The following PLPPR1 variants were observed in gnomAD, a reference collection of about 807,000 sequenced individuals.
The protein encoded by PLPPR1 is phospholipid phosphatase related 1.
In PLPPR1, 10 loss-of-function variants were observed where a neutral mutation model predicts 33.1. That is an observed-to-expected ratio of 0.30 (90% CI 0.19 to 0.51). PLPPR1 has a LOEUF of 0.51. Ranked by LOEUF, PLPPR1 falls within the 20% of genes least tolerant of loss-of-function variation. The pLI, the probability that PLPPR1 is intolerant of heterozygous loss-of-function variation, is 0.97. For synonymous variants in PLPPR1, 151 were observed against 151.0 expected (o/e 1.00, Z 0.00); for missense variants, 304 against 408.1 (o/e 0.74, Z 2.20).
intron 1 of PLPPR1, among the ~76,000 whole-genome samples, chr9:101,074,304 G>A (rs1473704203): frequency 6.6e-6 from 1 of 152,092 alleles, no homozygotes; most frequent in African/African-American, 2.4e-5. Flanking sequence ...ATTAGAAATA[G>A]ATCTAATAGA....
chr9:101,100,944 C>T (rs1326103324), intron 1 of PLPPR1, among the ~76,000 whole-genome samples: 1 of 152,074 alleles, frequency 6.6e-6, no homozygotes, highest in African/African-American at 2.4e-5. Context: ...GCAGATCTGC[C>T]TGATCTCAAA....
rs1232121030 is a variant in PLPPR1, at chr9:101,029,012, G to A, written c.-136G>A. The A allele has an allele frequency of 6.5e-6, 1 of 152,886 alleles. No individual in the cohort carries two copies. 9.5% of individuals were successfully genotyped at this position (152,886 alleles called of 1,614,324 possible). A position where few individuals can be genotyped will look rare whatever the true frequency, so the allele number is the denominator to read the frequency against. ...CAAGCGGAATGCAGCAGCGCCTGGA[G>A]AGCGTGTCTCGGACCGCCGCCTGAA... On this transcript the variant is annotated 5_prime_UTR_variant, in exon 1 of 8. Transcript: ENST00000374874.
intron 1 of PLPPR1, among the ~76,000 whole-genome samples, chr9:101,033,692 G>T (rs987473334): frequency 1.3e-5 from 2 of 152,100 alleles, no homozygotes; most frequent in Non-Finnish European, 2.9e-5. Flanking sequence ...GCCAGGACTT[G>T]TTTAAATGCC....
At chr9:101,049,568 T>G (rs1830194169) in intron 1 of PLPPR1, among the ~76,000 whole-genome samples, 1 of 152,152 alleles carries the variant, frequency 6.6e-6, no homozygotes, top group Non-Finnish European at 1.5e-5. Flanking sequence ...CAATATACAG[T>G]TGAGAAAACT....
chr9:101,192,672 C>CACACACAT (rs1016110530), intron 2 of PLPPR1, among the ~76,000 whole-genome samples: 3 of 152,138 alleles, frequency 2.0e-5, no homozygotes, highest in Admixed American at 6.5e-5. Context: ...ATGAAACACA[C>CACACACAT]ACACACATAC....
At chr9:101,294,834 C>T (rs1410010570) in intron 4 of PLPPR1, among the ~76,000 whole-genome samples, 1 of 152,072 alleles carries the variant, frequency 6.6e-6, no homozygotes, top group Non-Finnish European at 1.5e-5. Flanking sequence ...GACAAACCCA[C>T]AGCCAATATC....
At chr9:101,265,333 A>T (rs2118886794) in intron 2 of PLPPR1, among the ~76,000 whole-genome samples, 1 of 152,284 alleles carries the variant, frequency 6.6e-6, no homozygotes, top group African/African-American at 2.4e-5. Flanking sequence ...TGAGCTCCTT[A>T]CACCTTGTTA....
chr9:101,257,417 T>C lies in PLPPR1; in HGVS notation c.64-12463T>C, dbSNP rs1827821665. Reference sequence around the variant, plus strand: ...TTATTCAACCAATATTTTATTATTATGTGCCTGTGCTAAACTGGGGTTACA... The same window carrying C: ...TTATTCAACCAATATTTTATTATTACGTGCCTGTGCTAAACTGGGGTTACA... On this transcript the variant is annotated intron_variant, in intron 2 of 7. Coordinates refer to ENST00000374874, the MANE Select transcript of PLPPR1 (RefSeq NM_207299.2). Among the ~76,000 whole-genome samples the C allele has an allele frequency of 5.9e-5, 9 of 152,194 alleles. No homozygotes were observed. The South Asian group carries it at 1.9e-3, about 32-fold the overall frequency.
intron 4 of PLPPR1, among the ~76,000 whole-genome samples, chr9:101,290,551 C>T (rs1828476937): frequency 6.6e-6 from 1 of 152,082 alleles, no homozygotes; most frequent in Non-Finnish European, 1.5e-5. Context: ...TTTCAATAAC[C>T]TTACAAATAA....
intron 1 of PLPPR1, among the ~76,000 whole-genome samples, chr9:101,179,409 G>T (rs779690471): frequency 4.6e-5 from 7 of 152,172 alleles, no homozygotes; most frequent in African/African-American, 7.2e-5. Context: ...AATGAGGACT[G>T]TAATTGTCCT....
intron 1 of PLPPR1, among the ~76,000 whole-genome samples, chr9:101,113,579 G>A (rs1340073296): frequency 1.3e-5 from 2 of 151,668 alleles, no homozygotes; most frequent in Admixed American, 6.6e-5. Context: ...AAATAGTCTA[G>A]TATTGAATAT....
intron 2 of PLPPR1, among the ~76,000 whole-genome samples, chr9:101,186,417 A>G (rs1232424203): frequency 6.6e-6 from 1 of 151,796 alleles, no homozygotes; most frequent in African/African-American, 2.4e-5. Flanking sequence ...GGGTAACTGA[A>G]GGATAGTCTC....
intron 2 of PLPPR1, among the ~76,000 whole-genome samples, chr9:101,265,271 A>G (rs1185849575): frequency 6.6e-6 from 1 of 152,166 alleles, no homozygotes; most frequent in Non-Finnish European, 1.5e-5. Context: ...TTTTACTGCT[A>G]TATTGGATTG....
chr9:101,174,499 A>T (rs1825990638), intron 1 of PLPPR1, among the ~76,000 whole-genome samples: 2 of 152,096 alleles, frequency 1.3e-5, no homozygotes, highest in Admixed American at 1.3e-4. Flanking sequence ...GGTCATGGAG[A>T]CCCTTTTGAA....
chr9:101,202,116 C>T (rs12685239), intron 2 of PLPPR1, among the ~76,000 whole-genome samples: 18,634 of 152,186 alleles, frequency 0.12, 1,391 homozygotes, highest in East Asian at 0.28. Flanking sequence ...CAAGAAGTTG[C>T]ATGAAATTTT....
chr9:101,270,519 A>C (rs2567312), intron 3 of PLPPR1, among the ~76,000 whole-genome samples: 1 of 152,078 alleles, frequency 6.6e-6, no homozygotes, highest in Admixed American at 6.5e-5. Context: ...TTCCGTAGAC[A>C]CCAGAGATGA....
chr9:101,208,824 C>T (rs1231016067), intron 2 of PLPPR1, among the ~76,000 whole-genome samples: 1 of 152,118 alleles, frequency 6.6e-6, no homozygotes, highest in Non-Finnish European at 1.5e-5. Context: ...ATCATACTGG[C>T]CACTTCCACA....
At chr9:101,264,365 A>G (rs1451666602) in intron 2 of PLPPR1, among the ~76,000 whole-genome samples, 11 of 152,118 alleles carry the variant, frequency 7.2e-5, no homozygotes, top group Non-Finnish European at 1.6e-4. Context: ...TACCCTAAGC[A>G]GACACCACAC....
intron 1 of PLPPR1, among the ~76,000 whole-genome samples, chr9:101,057,456 A>G (rs1484052929): frequency 6.6e-6 from 1 of 152,212 alleles, no homozygotes; most frequent in Non-Finnish European, 1.5e-5. Flanking sequence ...ATATCATTCT[A>G]GTGAAAAATT....
Sources: gnomAD v4.1 joint callset for allele counts (sites outside exome capture counted in the v4.1 genomes callset) on GRCh38, gnomAD v4.1.1 for gene constraint, MANE v1.5 for transcripts, NCBI Gene and HGNC (gene_info 2026-07-23, HGNC 2026-07-21) for gene names.